The following MYO1E variants were observed in gnomAD, a reference collection of about 807,000 sequenced individuals.
MYO1E encodes the protein unconventional myosin-Ie.
MYO1E carries 68 observed loss-of-function variants against 151.1 expected under a neutral mutation model. The ratio of observed to expected loss-of-function variants is 0.45; its 90% CI spans 0.37 to 0.55. The LOEUF is 0.55. MYO1E is among the 20% of genes least tolerant of loss of function. MYO1E has a pLI of 0.00. For missense variants in MYO1E, 1,363 were observed against 1,389.3 expected (o/e 0.98, Z 0.30); for synonymous variants, 601 against 501.7 (o/e 1.20, Z -2.64).
chr15:59,267,285 A>T (rs1191261611), intron 2 of MYO1E, among the ~76,000 whole-genome samples: 8 of 152,140 alleles, frequency 5.3e-5, no homozygotes, highest in Non-Finnish European at 1.0e-4. Context: ...TCAGCCTCCC[A>T]AAGTGCTGGG....
At chr15:59,206,294 C>T (rs1317855418) in intron 14 of MYO1E, among the ~76,000 whole-genome samples, 1 of 152,196 alleles carries the variant, frequency 6.6e-6, no homozygotes, top group African/African-American at 2.4e-5. Flanking sequence ...CAGGGTGATT[C>T]ATTTTCCAAA....
chr15:59,228,457 G>A lies in MYO1E; in HGVS notation c.511-867C>T, dbSNP rs573616660. On this transcript the variant is annotated intron_variant, in intron 6 of 27. Transcript: ENST00000288235. ...TGAACTCCAGCCTGGGCCAGAGAGC[G>A]AGACTCTGTCCAAAAACCAAAATAA... 2.0e-3 allele frequency among the ~76,000 whole-genome samples: 307 copies of A among 151,950 alleles called. 3 individuals are homozygous for A. Among genetic ancestry groups the A allele is most frequent in the African/African-American group, 7.0e-3 (289 of 41,464 alleles).
chr15:59,328,078 A>C (rs1189138044), intron 1 of MYO1E, among the ~76,000 whole-genome samples: 1 of 152,214 alleles, frequency 6.6e-6, no homozygotes, highest in Non-Finnish European at 1.5e-5. Context: ...ACAAAGCTCC[A>C]TGGTGGGGGG....
Position 59,261,341 on chromosome 15 carries a change from A to C in MYO1E, c.237+79T>G. ...ATTCATAATAGAAAAGTGCAAAAGT[A>C]CTGCTAACTTCAAGAAAAACCATGT... On this transcript the variant is annotated intron_variant, in intron 3 of 27. Transcript: ENST00000288235. 3 of 995,604 alleles carry C rather than the reference A, an allele frequency of 3.0e-6. No individual in the cohort carries two copies. In the South Asian group the frequency reaches 4.0e-5, roughly 13 times the overall value. 61.7% of individuals were successfully genotyped at this position (995,604 alleles called of 1,614,324 possible).
intron 1 of MYO1E, among the ~76,000 whole-genome samples, chr15:59,307,229 C>T (rs1242133232): frequency 5.3e-5 from 8 of 152,214 alleles, no homozygotes; most frequent in Non-Finnish European, 1.0e-4. Flanking sequence ...GCTGGTATGG[C>T]CTGGGCATTG....
chr15:59,362,543 A>G (rs1487979240), intron 1 of MYO1E, among the ~76,000 whole-genome samples: 1 of 152,262 alleles, frequency 6.6e-6, no homozygotes, highest in African/African-American at 2.4e-5. Flanking sequence ...GGGCACTGTC[A>G]TCATTTTGCA....
intron 1 of MYO1E, among the ~76,000 whole-genome samples, chr15:59,298,946 G>A (rs1343130942): frequency 6.6e-6 from 1 of 152,192 alleles, no homozygotes; most frequent in African/African-American, 2.4e-5. Context: ...TATTACCTCA[G>A]ATGACTTTGT....
rs1371742091 is a variant in MYO1E, at chr15:59,137,428, T to C, written c.3279A>G (p.Leu1093=). 3 of 1,614,034 alleles carry C rather than the reference T, an allele frequency of 1.9e-6. No homozygotes were observed. Among genetic ancestry groups the C allele is most frequent in the Non-Finnish European group, 2.5e-6 (3 of 1,180,024 alleles). Residue 1093 remains leucine, a synonymous_variant, in exon 28 of 28, where the codon CTA becomes CTG. Coordinates refer to ENST00000288235, the MANE Select transcript of MYO1E (RefSeq NM_004998.4). ...EDPSGWWTGR[L]RGKQGLFPNN... ...TGGGGAACAGGCCCTGCTTGCCTCG[T>C]AGTCGACCCGTCCACCAGCCAGAAG...
chr15:59,241,928 A>AAATAAAATAG (rs2080102184), intron 4 of MYO1E, among the ~76,000 whole-genome samples: 1 of 151,662 alleles, frequency 6.6e-6, no homozygotes, highest in African/African-American at 2.4e-5. Flanking sequence ...CTAAAAAATA[A>AAATAAAATAG]AATAAAATAA....
chr15:59,146,308 T>G (rs1418853892), intron 26 of MYO1E, among the ~76,000 whole-genome samples: 2 of 151,696 alleles, frequency 1.3e-5, no homozygotes, highest in African/African-American at 4.9e-5. Context: ...AGATAATGGT[T>G]GTTTTTTGTT....
chr15:59,237,097 A>C (rs1185391491), intron 4 of MYO1E, among the ~76,000 whole-genome samples: 1 of 152,234 alleles, frequency 6.6e-6, no homozygotes, highest in Non-Finnish European at 1.5e-5. Context: ...ACATGATTAC[A>C]ATTTTTTTTT....
At chr15:59,337,862 T>A (rs537002525) in intron 1 of MYO1E, among the ~76,000 whole-genome samples, 7 of 152,058 alleles carry the variant, frequency 4.6e-5, no homozygotes, top group Non-Finnish European at 7.4e-5. Context: ...GCTCACAGAG[T>A]TCTTATAGGA....
At position 59,160,336 on chromosome 15, in the gene MYO1E, C is replaced by CGTGTGTGTGTGTGTGTGT. The variant is rs55633634; in HGVS notation, c.2785+719_2785+736dup. The stretch of plus-strand genomic sequence containing the variant: ...AGTTAGACTGGGGTTTGAGGTAGTG[C>CGTGTGTGTGTGTGTGTGT]GTGTGTGTGTGTGTGTGTGTGTGTG... On this transcript the variant is annotated intron_variant, in intron 24 of 27. Transcript: ENST00000288235. Among the ~76,000 whole-genome samples the CGTGTGTGTGTGTGTGTGT allele has an allele frequency of 3.1e-4, 37 of 120,152 alleles. 1 individual carries two copies. Among genetic ancestry groups the CGTGTGTGTGTGTGTGTGT allele is most frequent in the Admixed American group, 2.1e-3 (25 of 11,894 alleles). The allele number at this position is 120,152 out of a possible 152,430, so 78.8% of individuals were successfully genotyped here. A position where few individuals can be genotyped will look rare whatever the true frequency, so the allele number is the denominator to read the frequency against.
At chr15:59,353,810 A>G (rs1435988403) in intron 1 of MYO1E, among the ~76,000 whole-genome samples, 1 of 152,000 alleles carries the variant, frequency 6.6e-6, no homozygotes, top group Non-Finnish European at 1.5e-5. Flanking sequence ...AGAAACCTCT[A>G]CATTTTGAAA....
intron 25 of MYO1E, among the ~76,000 whole-genome samples, chr15:59,158,018 C>G (rs1240747773): frequency 6.6e-6 from 1 of 152,216 alleles, no homozygotes; most frequent in Non-Finnish European, 1.5e-5. Flanking sequence ...ACTCCTTTCT[C>G]TCTGTCAGAA....
chr15:59,155,695 T>G (rs1283316533), intron 25 of MYO1E, among the ~76,000 whole-genome samples: 1 of 152,126 alleles, frequency 6.6e-6, no homozygotes, highest in Non-Finnish European at 1.5e-5. Flanking sequence ...TAAGTTCCTT[T>G]GTGCTTGGAT....
chr15:59,314,158 C>T (rs1486702846), intron 1 of MYO1E, among the ~76,000 whole-genome samples: 1 of 152,182 alleles, frequency 6.6e-6, no homozygotes, highest in Non-Finnish European at 1.5e-5. Flanking sequence ...CAGAGGTGGG[C>T]TCCAGAATCC....
chr15:59,226,210 T>G (rs1386136611), intron 7 of MYO1E, among the ~76,000 whole-genome samples: 4 of 152,228 alleles, frequency 2.6e-5, no homozygotes. Flanking sequence ...TTTTAATCAT[T>G]TATATACTTT....
chr15:59,353,428 A>G (rs2080836046), intron 1 of MYO1E, among the ~76,000 whole-genome samples: 1 of 151,576 alleles, frequency 6.6e-6, no homozygotes, highest in Non-Finnish European at 1.5e-5. Flanking sequence ...TTACAACACG[A>G]ACCAGAATAG....
Sources: allele counts gnomAD v4.1 joint callset (sites outside exome capture counted in the v4.1 genomes callset), GRCh38; gene constraint gnomAD v4.1.1; transcripts MANE v1.5; gene names NCBI Gene and HGNC (gene_info 2026-07-23, HGNC 2026-07-21).